The following BCKDHB variants were observed in gnomAD, a reference collection of about 807,000 sequenced individuals.
BCKDHB encodes the protein 2-oxoisovalerate dehydrogenase subunit beta, mitochondrial.
Under a neutral mutation model 48.5 loss-of-function variants are expected in BCKDHB, and 41 were observed. That is an observed-to-expected ratio of 0.85 (90% CI 0.66 to 1.10). BCKDHB has a LOEUF of 1.10. Among genes scored for constraint, BCKDHB ranks in the 50% least tolerant of loss-of-function variants. BCKDHB has a pLI of 0.00. For synonymous variants in BCKDHB, 201 were observed against 174.8 expected, an observed-to-expected ratio of 1.15 and a Z score of -1.18; for missense variants, 496 against 494.2, an observed-to-expected ratio of 1.00 and a Z score of -0.03.
the BCKDHB span, among the ~76,000 whole-genome samples, chr6:80,466,090 A>G: frequency 6.6e-6 from 1 of 152,160 alleles, no homozygotes; most frequent in African/African-American, 2.4e-5. Flanking sequence ...GATGTCTTGG[A>G]CCTTCAGTCC....
chr6:80,207,246 A>G (rs1015458734), intron 8 of BCKDHB, among the ~76,000 whole-genome samples: 1 of 151,964 alleles, frequency 6.6e-6, no homozygotes, highest in African/African-American at 2.4e-5. Flanking sequence ...ATTGAAATGT[A>G]AGACAATAAA....
chr6:80,304,555 A>T (rs1485825195), intron 9 of BCKDHB, among the ~76,000 whole-genome samples: 1 of 152,156 alleles, frequency 6.6e-6, no homozygotes, highest in Non-Finnish European at 1.5e-5. Flanking sequence ...TTTTATACAC[A>T]GTGTTCTAGA....
chr6:80,430,407 T>A, the BCKDHB span, among the ~76,000 whole-genome samples: 2 of 152,204 alleles, frequency 1.3e-5, no homozygotes, highest in Non-Finnish European at 2.9e-5. Context: ...TTGCTTTTTT[T>A]ATGTTGTTTG....
At chr6:80,234,271 T>C (rs976633563) in intron 8 of BCKDHB, among the ~76,000 whole-genome samples, 7 of 152,314 alleles carry the variant, frequency 4.6e-5, no homozygotes, top group East Asian at 1.9e-4. Context: ...TCCTGCCTTA[T>C]TATTCCATGA....
chr6:80,179,542 A>G lies in BCKDHB; in HGVS notation c.742+8152A>G, dbSNP rs562218600. The stretch of plus-strand genomic sequence containing the variant: ...ATAGGTTCTATGCAAATCCTGTGCC[A>G]TTTAGATCAGGGTTCTGAGCAGCTA... On this transcript the variant is annotated intron_variant, in intron 6 of 9. Coordinates refer to ENST00000320393, the MANE Select transcript of BCKDHB (RefSeq NM_183050.4). 4.6e-5 allele frequency among the ~76,000 whole-genome samples: 7 copies of G among 152,252 alleles called. No individual in the cohort carries two copies. The South Asian group carries it at 1.5e-3, about 32-fold the overall frequency.
chr6:80,221,999 G>A (rs773687859), intron 8 of BCKDHB, among the ~76,000 whole-genome samples: 11 of 152,168 alleles, frequency 7.2e-5, no homozygotes, highest in Middle Eastern at 3.4e-3. Flanking sequence ...GTACACATGC[G>A]TGTTTGTTAC....
intron 6 of BCKDHB, among the ~76,000 whole-genome samples, chr6:80,199,621 AC>A (rs976467349): frequency 2.7e-5 from 4 of 149,072 alleles, no homozygotes; most frequent in African/African-American, 1.0e-4. Context: ...TATTAAAATT[AC>A]AAAAATTAGC....
Position 80,152,527 on chromosome 6 carries a change from A to G in BCKDHB, c.344-15151A>G, listed in dbSNP as rs539830302. Reference sequence around the variant, plus strand: ...TAAGCTTAACTGGTTATGTAGTCATATTCCCTGACACCCAAACATTTAGGT... The same window carrying G: ...TAAGCTTAACTGGTTATGTAGTCATGTTCCCTGACACCCAAACATTTAGGT... On this transcript the variant is annotated intron_variant, in intron 3 of 9. Transcript: ENST00000320393. Among the ~76,000 whole-genome samples the G allele has an allele frequency of 2.6e-5, 4 of 152,328 alleles. No homozygotes were observed. The East Asian group carries it at 5.8e-4, about 22-fold the overall frequency.
At chr6:80,456,292 A>AT in the BCKDHB span, among the ~76,000 whole-genome samples, 1 of 152,066 alleles carries the variant, frequency 6.6e-6, no homozygotes, top group Non-Finnish European at 1.5e-5. Context: ...TTCACAAAGT[A>AT]GATATCGGAT....
chr6:80,354,637 A>G, the BCKDHB span, among the ~76,000 whole-genome samples: 1 of 152,070 alleles, frequency 6.6e-6, no homozygotes, highest in East Asian at 1.9e-4. Flanking sequence ...GTGTTTTTAT[A>G]GTTTCAGGTT....
At chr6:80,315,588 C>T (rs1768404627) in intron 9 of BCKDHB, among the ~76,000 whole-genome samples, 1 of 151,884 alleles carries the variant, frequency 6.6e-6, no homozygotes, top group African/African-American at 2.4e-5. Flanking sequence ...GTCTTGGCCC[C>T]CGATCCCTTG....
chr6:80,394,852 G>T, the BCKDHB span, among the ~76,000 whole-genome samples: 1 of 152,136 alleles, frequency 6.6e-6, no homozygotes, highest in African/African-American at 2.4e-5. Flanking sequence ...CCAGTGGGAG[G>T]TAATTGAATT....
chr6:80,124,258 C>G (rs2127722331), intron 1 of BCKDHB, among the ~76,000 whole-genome samples: 1 of 152,214 alleles, frequency 6.6e-6, no homozygotes, highest in East Asian at 1.9e-4. Context: ...GTTTGAGAGA[C>G]AGTTTGTTGT....
chr6:80,286,503 A>G (rs1766633370), intron 9 of BCKDHB, among the ~76,000 whole-genome samples: 1 of 152,222 alleles, frequency 6.6e-6, no homozygotes, highest in Non-Finnish European at 1.5e-5. Flanking sequence ...TATATGTTAA[A>G]AGATTTCTTT....
intron 3 of BCKDHB, among the ~76,000 whole-genome samples, chr6:80,149,499 G>T (rs557107515): frequency 0.031 from 4,675 of 151,952 alleles, 250 homozygotes; most frequent in African/African-American, 0.11. Context: ...AAATCATGCT[G>T]CTATAAAGAC....
At chr6:80,121,913 C>T (rs553971981) in intron 1 of BCKDHB, among the ~76,000 whole-genome samples, 3 of 152,290 alleles carry the variant, frequency 2.0e-5, no homozygotes, top group South Asian at 4.1e-4. Flanking sequence ...TGAGAGAGGG[C>T]ATCCTTGTCT....
the BCKDHB span, among the ~76,000 whole-genome samples, chr6:80,384,401 C>T: frequency 0.034 from 5,107 of 151,550 alleles, 127 homozygotes; most frequent in Non-Finnish European, 0.052. Context: ...CTCTGTCACC[C>T]AGGCTGGAGT....
chr6:80,278,803 G>A lies in BCKDHB; in HGVS notation c.1038+5582G>A, dbSNP rs373057995. Among the ~76,000 whole-genome samples the A allele has an allele frequency of 2.6e-5, 4 of 152,052 alleles. No homozygotes were observed. In the East Asian group the frequency reaches 7.8e-4, roughly 30 times the overall value. ...TGAACTCCTGACCTTGTGATCCACC[G>A]ACCTCGGCCTCCCAAAGTGCCTTTC... On this transcript the variant is annotated intron_variant, in intron 9 of 9. Transcript: ENST00000320393.
chr6:80,194,328 C>G (rs1275596510), intron 6 of BCKDHB, among the ~76,000 whole-genome samples: 2 of 152,034 alleles, frequency 1.3e-5, no homozygotes, highest in African/African-American at 4.8e-5. Flanking sequence ...CTCAGCATTC[C>G]CCCATGTTAA....
Sources: gnomAD v4.1 joint callset for allele counts (sites outside exome capture counted in the v4.1 genomes callset) on GRCh38, gnomAD v4.1.1 for gene constraint, MANE v1.5 for transcripts, NCBI Gene and HGNC (gene_info 2026-07-23, HGNC 2026-07-21) for gene names.